The following PCGF6 variants were observed in gnomAD, a reference collection of about 807,000 sequenced individuals.
PCGF6 encodes the protein polycomb group ring finger 6.
A neutral mutation model predicts 45.5 loss-of-function variants in PCGF6; 24 were observed. The ratio of observed to expected loss-of-function variants is 0.53; its 90% CI spans 0.38 to 0.74. PCGF6 has a LOEUF of 0.74. Among genes scored for constraint, PCGF6 ranks in the 30% least tolerant of loss-of-function variants. The pLI, the probability that PCGF6 is intolerant of heterozygous loss-of-function variation, is 0.00. For synonymous variants in PCGF6, 152 were observed against 162.1 expected, an observed-to-expected ratio of 0.94 and a Z score of 0.47; for missense variants, 356 against 443.2, an observed-to-expected ratio of 0.80 and a Z score of 1.77.
chr10:103,309,698 A>G (rs1401923656), intron 9 of PCGF6, among the ~76,000 whole-genome samples: 1 of 152,134 alleles, frequency 6.6e-6, no homozygotes, highest in Non-Finnish European at 1.5e-5. Context: ...TGGGAGGCTG[A>G]GATGGCTGAT....
chr10:103,340,773 C>T (rs1412697541), intron 6 of PCGF6, among the ~76,000 whole-genome samples: 1 of 151,826 alleles, frequency 6.6e-6, no homozygotes, highest in African/African-American at 2.4e-5. Context: ...ATTTTCTTTT[C>T]GTATTTTTTT....
In PCGF6 at chr10:103,333,911, AAAAAGT is replaced by A; in HGVS notation, c.810+8_810+13del. 1 of 1,556,342 alleles carries A rather than the reference AAAAAGT, an allele frequency of 6.4e-7. No homozygotes were observed. Among genetic ancestry groups the A allele is most frequent in the Admixed American group, 2.1e-5 (1 of 47,520 alleles). On this transcript the variant is annotated splice_region_variant and intron_variant, in intron 7 of 9. Transcript: ENST00000369847. ...AGTCCTCTTGTGAAATGAATGAAAAAAAAAGTAAAATACCTTAAAATGTCCCGTGCC... is the reference window on the plus strand; with the variant it reads ...AGTCCTCTTGTGAAATGAATGAAAAAAAAATACCTTAAAATGTCCCGTGCC...
intron 1 of PCGF6, 80 bp from the exon 2 acceptor site, chr10:103,349,079 C>G: frequency 4.2e-6 from 5 of 1,202,854 alleles, no homozygotes; most frequent in East Asian, 2.4e-5. Context: ...GACAGAGTCT[C>G]ACTCTGTAGC....
At chr10:103,317,365 T>C (rs1402729889) in intron 8 of PCGF6, among the ~76,000 whole-genome samples, 1 of 152,210 alleles carries the variant, frequency 6.6e-6, no homozygotes, top group Non-Finnish European at 1.5e-5. Flanking sequence ...GTGGGCTTTA[T>C]ACCACGTGGT....
chr10:103,333,864 G>A (rs2093248173), intron 7 of PCGF6, 61 bp downstream of exon 7: 2 of 1,289,914 alleles, frequency 1.6e-6, no homozygotes, highest in South Asian at 2.9e-5. Flanking sequence ...TTGCTAATCT[G>A]ACTCGAATTT....
At chr10:103,340,208 T>A (rs1432458349) in intron 6 of PCGF6, among the ~76,000 whole-genome samples, 61 of 138,044 alleles carry the variant, frequency 4.4e-4, no homozygotes, top group Non-Finnish European at 6.5e-4. Flanking sequence ...AATATATATA[T>A]ATATATATAT....
chr10:103,330,929 C>A (rs1422232392), intron 7 of PCGF6, among the ~76,000 whole-genome samples: 1 of 151,842 alleles, frequency 6.6e-6, no homozygotes, highest in African/African-American at 2.4e-5. Context: ...ACTCCATCTC[C>A]AACAAGAAAA....
chr10:103,316,276 C>A (rs2093176063), intron 8 of PCGF6, among the ~76,000 whole-genome samples: 1 of 152,058 alleles, frequency 6.6e-6, no homozygotes, highest in Admixed American at 6.6e-5. Context: ...TACCTCCTAG[C>A]CAGACTTCTT....
intron 7 of PCGF6, among the ~76,000 whole-genome samples, chr10:103,329,716 G>C (rs1294464999): frequency 4.0e-5 from 6 of 151,572 alleles, no homozygotes; most frequent in African/African-American, 1.5e-4. Flanking sequence ...CAGGTGATCT[G>C]CCCACCTCAG....
intron 8 of PCGF6, among the ~76,000 whole-genome samples, chr10:103,321,278 C>T (rs2093196354): frequency 6.6e-6 from 1 of 152,122 alleles, no homozygotes; most frequent in African/African-American, 2.4e-5. Flanking sequence ...GCTGGGATTA[C>T]AGGTATGAGC....
intron 7 of PCGF6, among the ~76,000 whole-genome samples, chr10:103,329,747 A>G (rs1247709969): frequency 2.6e-5 from 4 of 152,024 alleles, no homozygotes; most frequent in African/African-American, 9.7e-5. Context: ...TGCTGGGATT[A>G]TAGGTGTGAG....
At chr10:103,342,467 C>T (rs144817957) in intron 6 of PCGF6, among the ~76,000 whole-genome samples, 27 of 152,232 alleles carry the variant, frequency 1.8e-4, no homozygotes, top group South Asian at 1.5e-3. Context: ...CTCCTGACCT[C>T]GGGTAATCTG....
chr10:103,319,891 C>T (rs1031008634), intron 8 of PCGF6, among the ~76,000 whole-genome samples: 20 of 152,114 alleles, frequency 1.3e-4, no homozygotes, highest in Non-Finnish European at 2.9e-5. Flanking sequence ...CCGCAACCTC[C>T]ACCTCCTGGA....
At chr10:103,326,023 C>T (rs1366401048) in intron 8 of PCGF6, among the ~76,000 whole-genome samples, 1 of 151,388 alleles carries the variant, frequency 6.6e-6, no homozygotes, top group African/African-American at 2.4e-5. Flanking sequence ...GAAACAGACC[C>T]TGTCTCAAAA....
chr10:103,322,684 C>T (rs1185294010), intron 8 of PCGF6, among the ~76,000 whole-genome samples: 2 of 151,882 alleles, frequency 1.3e-5, no homozygotes, highest in Non-Finnish European at 2.9e-5. Context: ...TTTAGCCGGG[C>T]ATGGTGGCAT....
intron 9 of PCGF6, among the ~76,000 whole-genome samples, chr10:103,307,101 C>G (rs1018396534): frequency 6.7e-6 from 1 of 148,458 alleles, no homozygotes. Context: ...CAGACCCTGT[C>G]TCAAAAACAA....
intron 9 of PCGF6, among the ~76,000 whole-genome samples, chr10:103,307,034 G>A (rs967734073): frequency 6.6e-6 from 1 of 152,012 alleles, no homozygotes; most frequent in Non-Finnish European, 1.5e-5. Context: ...AGCCTGGGAG[G>A]CAAAGGTTGC....
rs982787806 is a variant in PCGF6, at chr10:103,348,880, A to G, written c.460+20T>C. On this transcript the variant is annotated intron_variant, in intron 2 of 9. Coordinates refer to ENST00000369847, the MANE Select transcript of PCGF6 (RefSeq NM_001011663.2). Reference sequence around the variant, plus strand: ...TTCAAAAACTGAAAAATTATTCAGAAATGTGATCGGTATGCTTACAGGTAT... The same window carrying G: ...TTCAAAAACTGAAAAATTATTCAGAGATGTGATCGGTATGCTTACAGGTAT... 14 of 1,605,140 alleles carry G rather than the reference A, an allele frequency of 8.7e-6. No individual in the cohort carries two copies. Among genetic ancestry groups the G allele is most frequent in the Non-Finnish European group, 1.2e-5 (14 of 1,173,866 alleles).
In PCGF6 at chr10:103,326,655, C is replaced by T. The variant is rs59855380; in HGVS notation, c.811-23G>A. Reference sequence around the variant, plus strand: ...TGGCTACAAAAACAGACAGATAAAACTATTTTTAGGTTAAATATACCTGTA... The same window carrying T: ...TGGCTACAAAAACAGACAGATAAAATTATTTTTAGGTTAAATATACCTGTA... On this transcript the variant is annotated intron_variant, in intron 7 of 9. Coordinates refer to ENST00000369847, the MANE Select transcript of PCGF6 (RefSeq NM_001011663.2). 9,263 of 1,583,186 alleles carry T rather than the reference C, an allele frequency of 5.9e-3. 240 individuals carry two copies. The African/African-American group carries it at 0.078, about 13-fold the overall frequency.
Sources: gnomAD v4.1 joint callset for allele counts (sites outside exome capture counted in the v4.1 genomes callset) on GRCh38, gnomAD v4.1.1 for gene constraint, MANE v1.5 for transcripts, NCBI Gene and HGNC (gene_info 2026-07-23, HGNC 2026-07-21) for gene names.